DMD: variants seen among roughly 807,000 people sequenced by gnomAD.
DMD encodes the protein mutant dystrophin.
A neutral mutation model predicts 330.1 loss-of-function variants in DMD; 63 were observed. The observed-to-expected ratio is 0.19, with a 90% confidence interval of 0.16 to 0.24. The LOEUF (loss-of-function observed/expected upper bound fraction) is 0.24, where lower values mean the gene tolerates loss of function less well. Ranked by LOEUF, DMD falls within the 10% of genes least tolerant of loss-of-function variation. The probability of loss-of-function intolerance (pLI) is 1.00; values close to 1 mark genes in which losing one functional copy is unlikely to be tolerated. For missense variants in DMD, 3,344 were observed against 2,684.1 expected, an observed-to-expected ratio of 1.25 and a Z score of -5.43; for synonymous variants, 1,223 against 959.8, an observed-to-expected ratio of 1.27 and a Z score of -5.07.
chrX:33,320,718 C>A (rs943170963), intron 1 of DMD, among the ~76,000 whole-genome samples: 2 of 112,192 alleles, frequency 1.8e-5, no homozygotes, highest in South Asian at 3.6e-4. Flanking sequence ...CAAAACATTT[C>A]TTTGTAGCAT....
intron 44 of DMD, among the ~76,000 whole-genome samples, chrX:31,989,587 G>T (rs1335156224): frequency 9.0e-6 from 1 of 110,599 alleles, no homozygotes; most frequent in Non-Finnish European, 1.9e-5. Context: ...AATTGTCTTT[G>T]TGCTTTCTGA....
At chrX:31,823,100 G>A (rs1044050127) in intron 49 of DMD, among the ~76,000 whole-genome samples, 4 of 112,845 alleles carry the variant, frequency 3.5e-5, no homozygotes, top group African/African-American at 1.3e-4. Context: ...ACAGGGGCAG[G>A]ACTTGCGTCA....
chrX:32,612,074 T>C (rs1252423281), intron 12 of DMD, among the ~76,000 whole-genome samples: 1 of 110,883 alleles, frequency 9.0e-6, no homozygotes, highest in Non-Finnish European at 1.9e-5. Flanking sequence ...AAATGGTTTA[T>C]TTGGAGGGTG....
At chrX:31,554,507 G>A (rs994817732) in intron 55 of DMD, among the ~76,000 whole-genome samples, 4 of 111,959 alleles carry the variant, frequency 3.6e-5, no homozygotes, top group South Asian at 7.5e-4. Context: ...CCAGCCAGGC[G>A]TTGATCATAT....
intron 52 of DMD, among the ~76,000 whole-genome samples, chrX:31,728,611 G>C (rs2086260271): frequency 8.9e-6 from 1 of 111,774 alleles, no homozygotes; most frequent in African/African-American, 3.3e-5. Flanking sequence ...CATTTCCTTA[G>C]GGAAGGGTTA....
At chrX:31,766,036 G>A (rs2089972175) in intron 51 of DMD, among the ~76,000 whole-genome samples, 1 of 110,737 alleles carries the variant, frequency 9.0e-6, no homozygotes. Context: ...AGGACCAAAA[G>A]TTATGGTGAA....
chrX:32,821,528 CA>C (rs2078250540), intron 5 of DMD, among the ~76,000 whole-genome samples: 1 of 109,375 alleles, frequency 9.1e-6, no homozygotes, highest in African/African-American at 3.3e-5. Context: ...GCGGAGCTTG[CA>C]GTGAGCCGAG....
At chrX:33,261,342 T>G (rs1044596968) in intron 1 of DMD, among the ~76,000 whole-genome samples, 1 of 110,416 alleles carries the variant, frequency 9.1e-6, no homozygotes. Context: ...TATAACACAG[T>G]AGGACTTAGA....
intron 7 of DMD, among the ~76,000 whole-genome samples, chrX:32,700,998 G>C (rs1053551705): frequency 7.1e-5 from 8 of 111,902 alleles, no homozygotes; most frequent in Non-Finnish European, 1.5e-4. Flanking sequence ...AGTTACAAGA[G>C]ACGAAAAAAT....
chrX:31,197,421 G>A (rs1280510782), intron 67 of DMD, among the ~76,000 whole-genome samples: 1 of 108,056 alleles, frequency 9.3e-6, no homozygotes, highest in Non-Finnish European at 1.9e-5. Flanking sequence ...AACTAAAAGA[G>A]TAGAATTGGG....
chrX:31,326,885 G>A (rs945908020), intron 61 of DMD, among the ~76,000 whole-genome samples: 3 of 112,026 alleles, frequency 2.7e-5, no homozygotes, highest in African/African-American at 9.7e-5. Flanking sequence ...TAGCAGTACT[G>A]ATGCCAACAA....
chrX:31,959,929 G>T (rs763572116), intron 45 of DMD, among the ~76,000 whole-genome samples: 13 of 109,255 alleles, frequency 1.2e-4, no homozygotes, highest in Non-Finnish European at 2.5e-4. Context: ...GCTAAGTTTT[G>T]TATTTTCTTA....
chrX:31,821,102 A>AT (rs1244372386), intron 49 of DMD, among the ~76,000 whole-genome samples: 1 of 107,417 alleles, frequency 9.3e-6, no homozygotes, highest in African/African-American at 3.3e-5. Flanking sequence ...AGGTTTCCAC[A>AT]TTTTTTTTCC....
chrX:32,342,782 T>C lies in DMD; in HGVS notation c.5739+352A>G, dbSNP rs1295697259. ...GAGAGTGAACACTGATGTGTGAAGA[T>C]GCTCTGATGAAATGAATGGGCTAAC... On this transcript the variant is annotated intron_variant, in intron 40 of 78. Coordinates refer to ENST00000357033, the MANE Select transcript of DMD (RefSeq NM_004006.3). 8.7e-6 allele frequency: 3 copies of C among 346,098 alleles called. No individual in the cohort carries two copies. The East Asian group carries it at 2.5e-4, about 29-fold the overall frequency. 28.5% of individuals were successfully genotyped at this position (346,098 alleles called of 1,213,427 possible).
chrX:32,627,155 C>A (rs982053351), intron 11 of DMD, among the ~76,000 whole-genome samples: 21 of 64,825 alleles, frequency 3.2e-4, no homozygotes, highest in East Asian at 1.3e-3. Context: ...CCCGCCCCCC[C>A]CCCCGCCCCA....
chrX:33,266,939 A>G (rs184900753), intron 1 of DMD, among the ~76,000 whole-genome samples: 1 of 111,055 alleles, frequency 9.0e-6, no homozygotes, highest in African/African-American at 3.3e-5. Context: ...CTGGAACAAA[A>G]CAAGGATGCC....
intron 54 of DMD, among the ~76,000 whole-genome samples, chrX:31,630,477 A>G (rs1158320884): frequency 9.0e-6 from 1 of 111,384 alleles, no homozygotes; most frequent in East Asian, 2.8e-4. Context: ...TACGGCTTCA[A>G]CATTTCTCTC....
chrX:31,184,924 T>C (rs1297819263), intron 67 of DMD, among the ~76,000 whole-genome samples: 1 of 78,504 alleles, frequency 1.3e-5, no homozygotes, highest in Non-Finnish European at 2.3e-5. Context: ...TGAGAACACA[T>C]GGACATAGGA....
intron 47 of DMD, among the ~76,000 whole-genome samples, chrX:31,902,780 T>A (rs2094438493): frequency 8.9e-6 from 1 of 111,932 alleles, no homozygotes; most frequent in Admixed American, 9.5e-5. Context: ...GGATTTATAT[T>A]TTTCTTTTTG....
Sources: gnomAD v4.1 joint callset for allele counts (sites outside exome capture counted in the v4.1 genomes callset) on GRCh38, gnomAD v4.1.1 for gene constraint, MANE v1.5 for transcripts, NCBI Gene and HGNC (gene_info 2026-07-23, HGNC 2026-07-21) for gene names.